The following SCMH1 variants were observed in gnomAD, a reference collection of about 807,000 sequenced individuals.
The protein encoded by SCMH1 is polycomb protein SCMH1.
SCMH1 carries 37 observed loss-of-function variants against 70.8 expected under a neutral mutation model. The observed-to-expected ratio is 0.52, with a 90% CI of 0.40 to 0.69. SCMH1 has a LOEUF of 0.69. Among genes scored for constraint, SCMH1 ranks in the 30% least tolerant of loss-of-function variants. The pLI is 0.00. For missense variants in SCMH1, 607 were observed against 827.3 expected (o/e 0.73, Z 3.27); for synonymous variants, 292 against 307.4 (o/e 0.95, Z 0.52).
intron 8 of SCMH1, among the ~76,000 whole-genome samples, chr1:41,107,547 G>C (rs1023114395): frequency 6.6e-6 from 1 of 151,914 alleles, no homozygotes; most frequent in Non-Finnish European, 1.5e-5. Flanking sequence ...TTGAGACAGA[G>C]TCTTGCTCTG....
At chr1:41,153,499 G>A (rs374776845) in intron 4 of SCMH1, among the ~76,000 whole-genome samples, 207 of 152,164 alleles carry the variant, frequency 1.4e-3, no homozygotes, top group African/African-American at 4.8e-3. Flanking sequence ...GCAGCATCAG[G>A]GGTACCACAA....
At chr1:41,107,588 T>C (rs1169634138) in intron 8 of SCMH1, among the ~76,000 whole-genome samples, 18 of 152,042 alleles carry the variant, frequency 1.2e-4, no homozygotes, top group Admixed American at 1.2e-3. Context: ...GGCATGATCT[T>C]GGCTCACTGC....
exon 10 of SCMH1, chr1:41,070,651 C>T: frequency 2.5e-6 from 4 of 1,614,048 alleles, no homozygotes; most frequent in South Asian, 1.1e-5. Flanking sequence ...GGGTACAGTG[C>T]TGGTATCCGG....
chr1:41,198,308 T>C (rs1209853223), intron 1 of SCMH1, among the ~76,000 whole-genome samples: 2 of 152,150 alleles, frequency 1.3e-5, no homozygotes, highest in Non-Finnish European at 2.9e-5. Flanking sequence ...TCAGAGACTT[T>C]CTCTCAAAGC....
chr1:41,096,260 A>T (rs1665030561), intron 8 of SCMH1, among the ~76,000 whole-genome samples: 1 of 152,186 alleles, frequency 6.6e-6, no homozygotes, highest in South Asian at 2.1e-4. Context: ...TAACCTTTTT[A>T]AAAAATAGAT....
At chr1:41,075,491 C>G (rs1658009406) in intron 8 of SCMH1, 40 bp from the exon 9 acceptor site, 3 of 1,539,082 alleles carry the variant, frequency 1.9e-6, no homozygotes, top group Non-Finnish European at 1.8e-6. Context: ...TCCCTCCCCC[C>G]TGCATTCTCA....
chr1:41,206,352 C>T (rs376800264), intron 1 of SCMH1, among the ~76,000 whole-genome samples: 5 of 152,124 alleles, frequency 3.3e-5, no homozygotes, highest in East Asian at 1.9e-4. Flanking sequence ...AGACCTTAAA[C>T]GACCTGATGG....
intron 2 of SCMH1, chr1:41,162,936 G>A (rs558994821): frequency 1.6e-4 from 24 of 152,452 alleles, no homozygotes; most frequent in African/African-American, 5.3e-4. Context: ...CTGGTTGCAG[G>A]ACAAGAACTC....
intron 1 of SCMH1, among the ~76,000 whole-genome samples, chr1:41,219,748 G>C (rs753671336): frequency 2.6e-5 from 4 of 152,082 alleles, no homozygotes; most frequent in Non-Finnish European, 4.4e-5. Context: ...TGGCCAACAC[G>C]GCGAAACCGT....
At chr1:41,126,914 G>A (rs1572389987) in intron 6 of SCMH1, among the ~76,000 whole-genome samples, 1 of 152,248 alleles carries the variant, frequency 6.6e-6, no homozygotes, top group East Asian at 1.9e-4. Flanking sequence ...AAATGCATAT[G>A]TGGTTTTTCT....
At chr1:41,106,853 C>G (rs1394678181) in intron 8 of SCMH1, among the ~76,000 whole-genome samples, 3 of 151,778 alleles carry the variant, frequency 2.0e-5, no homozygotes, top group Admixed American at 1.3e-4. Context: ...CCACACCTGG[C>G]TAATTTTTGT....
At chr1:41,103,531 T>C (rs2300649) in intron 8 of SCMH1, among the ~76,000 whole-genome samples, 16,500 of 152,178 alleles carry the variant, frequency 0.11, 1,272 homozygotes, top group East Asian at 0.28. Context: ...ATTGGGGATT[T>C]TGTAAATTGA....
intron 2 of SCMH1, among the ~76,000 whole-genome samples, chr1:41,184,973 T>A (rs1649775654): frequency 6.6e-6 from 1 of 152,214 alleles, no homozygotes; most frequent in East Asian, 1.9e-4. Context: ...CAGTAAAGAT[T>A]ATGTCTTATT....
intron 1 of SCMH1, among the ~76,000 whole-genome samples, chr1:41,216,825 A>C (rs1444352627): frequency 2.0e-5 from 3 of 152,188 alleles, no homozygotes; most frequent in Non-Finnish European, 4.4e-5. Context: ...CTGCTGTAAC[A>C]AAGTACTCTA....
At chr1:41,079,330 A>C (rs1350534196) in intron 8 of SCMH1, among the ~76,000 whole-genome samples, 1 of 141,422 alleles carries the variant, frequency 7.1e-6, no homozygotes, top group Non-Finnish European at 1.5e-5. Context: ...CAGTAGGAAT[A>C]AATGAACAAA....
intron 13 of SCMH1, among the ~76,000 whole-genome samples, chr1:41,032,927 C>T (rs1255371353): frequency 1.3e-5 from 2 of 148,650 alleles, no homozygotes; most frequent in African/African-American, 2.5e-5. Context: ...TGCAGTGAGC[C>T]GAGATTGCGC....
exon 6 of SCMH1, chr1:41,142,903 A>C (rs1644231655): frequency 6.2e-7 from 1 of 1,614,000 alleles, no homozygotes; most frequent in Non-Finnish European, 8.5e-7. Flanking sequence ...GCATACCCCC[A>C]TTCTTTTCAC....
intron 2 of SCMH1, among the ~76,000 whole-genome samples, chr1:41,167,222 G>A (rs564418761): frequency 6.6e-6 from 1 of 152,122 alleles, no homozygotes; most frequent in East Asian, 1.9e-4. Flanking sequence ...TACGGAATAT[G>A]GTTTCTTAGT....
chr1:41,060,487 G>A (rs1231182361), intron 10 of SCMH1, among the ~76,000 whole-genome samples: 3 of 151,796 alleles, frequency 2.0e-5, no homozygotes, highest in Admixed American at 6.6e-5. Context: ...AAAAATTGAG[G>A]GAGTGTGTTG....
Sources: gnomAD v4.1 joint callset for allele counts (sites outside exome capture counted in the v4.1 genomes callset) on GRCh38, gnomAD v4.1.1 for gene constraint, MANE v1.5 for transcripts, NCBI Gene and HGNC (gene_info 2026-07-23, HGNC 2026-07-21) for gene names.